The following TENM3 variants were observed in gnomAD, a reference collection of about 807,000 sequenced individuals.
TENM3 encodes teneurin-3.
In TENM3, 63 loss-of-function variants were observed where a neutral mutation model predicts 255.1. The observed-to-expected ratio is 0.25, with a 90% CI of 0.20 to 0.30. TENM3 has a LOEUF of 0.30. TENM3 is among the 10% of genes least tolerant of loss of function. The pLI is 1.00. For missense variants in TENM3, 2,929 were observed against 3,461.1 expected, an observed-to-expected ratio of 0.85 and a Z score of 3.86; for synonymous variants, 1,306 against 1,322.3, an observed-to-expected ratio of 0.99 and a Z score of 0.27.
intron 3 of TENM3, among the ~76,000 whole-genome samples, chr4:182,387,712 C>G (rs886836084): frequency 6.6e-6 from 1 of 151,790 alleles, no homozygotes; most frequent in Non-Finnish European, 1.5e-5. Context: ...ACACTCACCG[C>G]GAAGGTCTGC....
At chr4:182,193,814 A>G (rs995521220) in intron 1 of TENM3, among the ~76,000 whole-genome samples, 6 of 152,184 alleles carry the variant, frequency 3.9e-5, no homozygotes, top group Non-Finnish European at 7.4e-5. Context: ...AAATGCTTTT[A>G]TTATAGTTAC....
At chr4:181,547,247 A>G in the TENM3 span, among the ~76,000 whole-genome samples, 5 of 152,210 alleles carry the variant, frequency 3.3e-5, no homozygotes, top group East Asian at 1.9e-4. Flanking sequence ...GACATTTTAT[A>G]TAGAGAGAAA....
chr4:182,429,517 A>G (rs1771472903), intron 3 of TENM3, among the ~76,000 whole-genome samples: 1 of 152,236 alleles, frequency 6.6e-6, no homozygotes, highest in Non-Finnish European at 1.5e-5. Flanking sequence ...AATTCTTTAG[A>G]TCCAATATTA....
At chr4:181,857,040 T>C in the TENM3 span, among the ~76,000 whole-genome samples, 1 of 152,304 alleles carries the variant, frequency 6.6e-6, no homozygotes, top group East Asian at 1.9e-4. Context: ...ACAGAAAAGA[T>C]ACTAAGCTCC....
chr4:182,768,819 G>T (rs975448732), intron 22 of TENM3, among the ~76,000 whole-genome samples: 10 of 152,166 alleles, frequency 6.6e-5, no homozygotes. Flanking sequence ...TGGAAGAGCG[G>T]TAGGTCACGG....
chr4:182,210,864 G>A (rs994134117), intron 1 of TENM3, among the ~76,000 whole-genome samples: 3 of 152,076 alleles, frequency 2.0e-5, no homozygotes, highest in East Asian at 3.9e-4. Context: ...TCCGTAGACC[G>A]GTGTGTATCA....
the TENM3 span, among the ~76,000 whole-genome samples, chr4:181,823,492 A>G: frequency 1.3e-5 from 2 of 152,146 alleles, no homozygotes; most frequent in East Asian, 1.9e-4. Flanking sequence ...ATCAATCAGA[A>G]ATTTGCTTTT....
At chr4:181,561,241 A>G in the TENM3 span, among the ~76,000 whole-genome samples, 1 of 152,236 alleles carries the variant, frequency 6.6e-6, no homozygotes, top group African/African-American at 2.4e-5. Flanking sequence ...GGTGTGAGCC[A>G]CTGTGCCCCA....
the TENM3 span, among the ~76,000 whole-genome samples, chr4:181,990,914 G>T: frequency 6.6e-6 from 1 of 152,080 alleles, no homozygotes; most frequent in South Asian, 2.1e-4. Context: ...CTTACTAAGG[G>T]GTGCAAGCAA....
the TENM3 span, among the ~76,000 whole-genome samples, chr4:181,722,732 C>T: frequency 6.6e-6 from 1 of 152,240 alleles, no homozygotes; most frequent in South Asian, 2.1e-4. Flanking sequence ...AGTGTGGATA[C>T]AATCTGTCTC....
the TENM3 span, among the ~76,000 whole-genome samples, chr4:181,941,217 C>T: frequency 2.0e-5 from 3 of 152,090 alleles, no homozygotes; most frequent in African/African-American, 7.2e-5. Flanking sequence ...TCTGAAAACT[C>T]GTGTCTTTAA....
the TENM3 span, among the ~76,000 whole-genome samples, chr4:181,604,760 G>C: frequency 1.3e-5 from 2 of 152,210 alleles, no homozygotes; most frequent in East Asian, 3.9e-4. Flanking sequence ...CTGAGATCTG[G>C]TGTGGAATGC....
chr4:182,284,609 C>T (rs1045881623), intron 1 of TENM3, among the ~76,000 whole-genome samples: 2 of 152,050 alleles, frequency 1.3e-5, no homozygotes, highest in Admixed American at 6.6e-5. Flanking sequence ...AATAGACTAA[C>T]GCTGTTACGA....
At chr4:182,540,279 C>T (rs1281165609) in intron 3 of TENM3, among the ~76,000 whole-genome samples, 2 of 152,078 alleles carry the variant, frequency 1.3e-5, no homozygotes, top group Admixed American at 6.5e-5. Flanking sequence ...ACAGAGTATT[C>T]GTTTCCACCA....
At chr4:182,445,611 AT>A (rs35421030) in intron 3 of TENM3, among the ~76,000 whole-genome samples, 2,752 of 146,808 alleles carry the variant, frequency 0.019, 64 homozygotes, top group East Asian at 0.11. Context: ...TGGACTTTTT[AT>A]TTTTTTTTTT....
At chr4:182,179,454 T>C (rs1169374391) in intron 1 of TENM3, among the ~76,000 whole-genome samples, 2 of 152,368 alleles carry the variant, frequency 1.3e-5, no homozygotes, top group East Asian at 3.9e-4. Context: ...TAGAGGCATT[T>C]CTCGATTCAA....
chr4:181,835,846 G>A, the TENM3 span, among the ~76,000 whole-genome samples: 1 of 152,110 alleles, frequency 6.6e-6, no homozygotes, highest in Non-Finnish European at 1.5e-5. Context: ...ATTACATTTG[G>A]TTAATTGTCT....
the TENM3 span, among the ~76,000 whole-genome samples, chr4:182,100,614 T>TATATATACACACATATATATACACACAC: frequency 0.051 from 2,506 of 49,084 alleles, 489 homozygotes; most frequent in African/African-American, 0.15. Context: ...TATACACACA[T>TATATATACACACATATATATACACACAC]ATATATACAC....
chr4:181,544,533 C>T, the TENM3 span, among the ~76,000 whole-genome samples: 3 of 152,018 alleles, frequency 2.0e-5, no homozygotes, highest in African/African-American at 7.2e-5. Context: ...CTCACCTACC[C>T]CTGCCGCCCA....
Sources: allele counts gnomAD v4.1 joint callset (sites outside exome capture counted in the v4.1 genomes callset), GRCh38; gene constraint gnomAD v4.1.1; transcripts MANE v1.5; gene names NCBI Gene and HGNC (gene_info 2026-07-23, HGNC 2026-07-21).